Variants in PLPPR3 observed in about 807,000 individuals in gnomAD.
PLPPR3 encodes the protein phospholipid phosphatase related 3.
Under a neutral mutation model 27.3 loss-of-function variants are expected in PLPPR3, and 14 were observed. The observed-to-expected ratio is 0.51, with a 90% CI of 0.34 to 0.80. PLPPR3 has a LOEUF of 0.80. Ranked by LOEUF, PLPPR3 falls within the 30% of genes least tolerant of loss-of-function variation. PLPPR3 has a pLI of 0.01. For missense variants in PLPPR3, 1,287 were observed against 1,056.9 expected, an observed-to-expected ratio of 1.22 and a Z score of -3.02; for synonymous variants, 671 against 508.0, an observed-to-expected ratio of 1.32 and a Z score of -4.32.
chr19:814,206 G>A (rs368991631), intron 7 of PLPPR3, among the ~76,000 whole-genome samples: 1 of 149,346 alleles, frequency 6.7e-6, no homozygotes, highest in South Asian at 2.1e-4. Context: ...GAGCCCCTGG[G>A]CACCCATGCC....
At position 813,962 on chromosome 19, in the gene PLPPR3, A is replaced by C; in HGVS notation, c.832-67T>G. ...AGGGCTCCTCCCCTGTGATCGTTGGACTTGCCGCGGGGGGCTCTGGACCGG... is the reference window on the plus strand; with the variant it reads ...AGGGCTCCTCCCCTGTGATCGTTGGCCTTGCCGCGGGGGGCTCTGGACCGG... On this transcript the variant is annotated intron_variant, in intron 7 of 7. Coordinates refer to ENST00000520876, the MANE Select transcript of PLPPR3 (RefSeq NM_001270366.2). The surrounding 1 kb of genome is among the most constrained non-coding windows in gnomAD (Gnocchi z 4.1). The C allele has an allele frequency of 7.1e-7, 1 of 1,400,334 alleles. No homozygotes were observed. Among genetic ancestry groups the C allele is most frequent in the Non-Finnish European group, 9.2e-7 (1 of 1,084,094 alleles). The allele number at this position is 1,400,334 out of a possible 1,614,324, so 86.7% of individuals were successfully genotyped here. A position where few individuals can be genotyped will look rare whatever the true frequency, so the allele number is the denominator to read the frequency against.
Position 813,048 on chromosome 19 carries a change from G to C in PLPPR3, c.1679C>G (p.Ser560Cys). 6.6e-7 allele frequency: 1 copy of C among 1,509,582 alleles called. No homozygotes were observed. The highest frequency in any genetic ancestry group is 8.8e-7 in the Non-Finnish European group (1 of 1,138,396). The allele number at this position is 1,509,582 out of a possible 1,614,324, so 93.5% of individuals were successfully genotyped here. The change falls in exon 8 of 8, where the codon TCC becomes TGC. Residue 560 changes from serine to cysteine, a missense_variant. Transcript: ENST00000520876. The surrounding 1 kb of genome is among the most constrained non-coding windows in gnomAD (Gnocchi z 4.1). ...GPKAAETASSSSASSDSSQYR... is the reference protein window; with the variant it reads ...GPKAAETASSCSASSDSSQYR... Reference sequence around the variant, plus strand: ...CTGCGAGGAGTCGGAGCTGGCGCTGGACGACGACGCCGTCTCGGCCGCCTT... The same window carrying C: ...CTGCGAGGAGTCGGAGCTGGCGCTGCACGACGACGCCGTCTCGGCCGCCTT...
upstream of PLPPR3, among the ~76,000 whole-genome samples, chr19:823,240 C>T (rs1306916045): frequency 6.6e-6 from 1 of 150,624 alleles, no homozygotes; most frequent in Non-Finnish European, 1.5e-5. Context: ...CCAGGAGTTC[C>T]AGACCAGCCT....
At chr19:815,107 C>T (rs113614617) in intron 4 of PLPPR3, 26 bp from the exon 5 acceptor site, 27 of 1,600,828 alleles carry the variant, frequency 1.7e-5, no homozygotes, top group Non-Finnish European at 1.4e-5. Flanking sequence ...CTCGGCCAGG[C>T]GGGGAGCTGG....
In PLPPR3 at chr19:813,230, C is replaced by T; in HGVS notation, c.1497G>A (p.Glu499=). ...GPPPLVHIPE[E]GAQTGAGLSP... is the part of the protein sequence containing the mutation. ...ACAGGCCGGCCCCCGTCTGCGCGCC[C>T]TCCTCCGGGATGTGCACCAGCGGCG... Residue 499 remains glutamate (E), a synonymous_variant, in exon 8 of 8, where the codon GAG becomes GAA. Transcript: ENST00000520876. This position sits in a 1 kb window ranked among gnomAD's most constrained non-coding sequence, Gnocchi z 4.1. 2.1e-5 allele frequency: 31 copies of T among 1,486,774 alleles called. No homozygotes were observed. The highest frequency in any genetic ancestry group is 2.7e-5 in the Non-Finnish European group (31 of 1,129,998). 92.1% of individuals were successfully genotyped at this position (1,486,774 alleles called of 1,614,324 possible). A position where few individuals can be genotyped will look rare whatever the true frequency, so the allele number is the denominator to read the frequency against.
chr19:822,401 C>T (rs2035162598), upstream of PLPPR3, among the ~76,000 whole-genome samples: 1 of 152,076 alleles, frequency 6.6e-6, no homozygotes, highest in African/African-American at 2.4e-5. Context: ...CGCCCCTCCG[C>T]GGAGCCCGCC....
intron 2 of PLPPR3, among the ~76,000 whole-genome samples, chr19:819,649 G>A (rs147367151): frequency 1.2e-3 from 186 of 152,182 alleles, no homozygotes; most frequent in African/African-American, 3.8e-3. Context: ...AAGTGATGTG[G>A]GCAACTTAAT....
At chr19:821,379 C>T in intron 2 of PLPPR3, 106 bp downstream of exon 2, 1 of 957,656 alleles carries the variant, frequency 1.0e-6, no homozygotes, top group Non-Finnish European at 1.5e-6. Context: ...CGCCCCGAGG[C>T]CACTGCCGGG....
At position 813,031 on chromosome 19, in the gene PLPPR3, AGTCGGAGCTGGCGCTGGAC is replaced by A. The variant is rs772383610; in HGVS notation, c.1677_1695del (p.Ser560ProfsTer16). On this transcript the variant is annotated frameshift_variant, in exon 8 of 8. Transcript: ENST00000520876. LOFTEE classifies it low-confidence loss of function (END_TRUNC). This position sits in a 1 kb window ranked among gnomAD's most constrained non-coding sequence, Gnocchi z 4.1. ...TCCGACGGCGACCGGTACTGCGAGG[AGTCGGAGCTGGCGCTGGAC>A]GACGACGCCGTCTCGGCCGCCTTGG... The A allele has an allele frequency of 6.6e-7, 1 of 1,518,578 alleles. No homozygotes were observed. The highest frequency in any genetic ancestry group is 2.7e-5 in the East Asian group (1 of 37,692). 94.1% of individuals were successfully genotyped at this position (1,518,578 alleles called of 1,614,324 possible). A position where few individuals can be genotyped will look rare whatever the true frequency, so the allele number is the denominator to read the frequency against.
At chr19:816,857 C>T in intron 2 of PLPPR3, among the ~76,000 whole-genome samples, 1 of 151,936 alleles carries the variant, frequency 6.6e-6, no homozygotes, top group Middle Eastern at 3.4e-3. Context: ...ATCCATTCAT[C>T]CATCCATCAT....
chr19:822,234 C>T (rs1599265542), upstream of PLPPR3, among the ~76,000 whole-genome samples: 3 of 151,592 alleles, frequency 2.0e-5, no homozygotes, highest in South Asian at 2.1e-4. Context: ...GTGACGGTCC[C>T]GTCCTCCCCT....
upstream of PLPPR3, among the ~76,000 whole-genome samples, chr19:823,713 G>A (rs1158601199): frequency 1.3e-5 from 2 of 152,128 alleles, no homozygotes; most frequent in South Asian, 2.1e-4. Context: ...AGGGGGGCTC[G>A]GGGAGGCCCT....
upstream of PLPPR3, among the ~76,000 whole-genome samples, chr19:823,450 A>AAAAAAAAAAAACC (rs111454578): frequency 7.0e-6 from 1 of 143,838 alleles, no homozygotes; most frequent in Admixed American, 7.1e-5. Context: ...TCAAAAAAAA[A>AAAAAAAAAAAACC]AAAAAAAACA....
chr19:817,925 C>T lies in PLPPR3; in HGVS notation c.76-2074G>A, dbSNP rs143672553. ...TGCAAAATGGGAATGATAAAGTAGC[C>T]GCCTCCAAGGGCTCAGGTGGAGATG... is the stretch of plus-strand genomic sequence containing the variant. On this transcript the variant is annotated intron_variant, in intron 2 of 7. Coordinates refer to ENST00000520876, the MANE Select transcript of PLPPR3 (RefSeq NM_001270366.2). 1.6e-3 allele frequency among the ~76,000 whole-genome samples: 241 copies of T among 152,258 alleles called. 1 individual carries two copies. Among genetic ancestry groups the T allele is most frequent in the Admixed American group, 6.2e-3 (95 of 15,286 alleles).
chr19:815,145 T>C (rs1182487696), intron 4 of PLPPR3, 41 bp downstream of exon 4: 6 of 1,601,232 alleles, frequency 3.7e-6, no homozygotes, highest in Non-Finnish European at 5.1e-6. Flanking sequence ...ACCCCCTGCA[T>C]GTGGAGGTAG....
Position 812,805 on chromosome 19 carries a change from G to A in PLPPR3, c.1922C>T (p.Ser641Leu), listed in dbSNP as rs1475593571. The stretch of plus-strand genomic sequence containing the variant: ...CTCCTGGTCCACGTCGCTGACCGAC[G>A]AGCCGGGGGACACGCCCGGGGGCTT... Reference protein sequence around the residue: ...GAKPPGVSPGSSVSDVDQEEP... With the variant: ...GAKPPGVSPGLSVSDVDQEEP... Residue 641 changes from serine (S) to leucine (L), a missense_variant, in exon 8 of 8, where the codon TCG (serine) becomes TTG (leucine). Transcript: ENST00000520876. 9 of 1,093,888 alleles carry A rather than the reference G, an allele frequency of 8.2e-6. No individual in the cohort carries two copies. The highest frequency in any genetic ancestry group is 1.7e-5 in the African/African-American group (1 of 58,542). 67.8% of individuals were successfully genotyped at this position (1,093,888 alleles called of 1,614,324 possible).
intron 2 of PLPPR3, among the ~76,000 whole-genome samples, chr19:820,465 A>G (rs761122571): frequency 7.3e-5 from 11 of 150,302 alleles, no homozygotes; most frequent in Non-Finnish European, 1.3e-4. Flanking sequence ...GATTACAAAC[A>G]TGACAAACGT....
At position 813,464 on chromosome 19, in the gene PLPPR3, C is replaced by T. The variant is rs2034982992; in HGVS notation, c.1263G>A (p.Leu421=). The T allele has an allele frequency of 2.6e-6, 4 of 1,536,434 alleles. No homozygotes were observed. The highest frequency in any genetic ancestry group is 3.5e-6 in the Non-Finnish European group (4 of 1,145,896). The part of the protein sequence containing the change: ...WKQKSLEGRG[L]GLPDDASPGH... ...CGGGGCTGGCGTCGTCGGGCAGCCC[C>T]AGGCCGCGGCCCTCCAGGCTCTTCT... Residue 421 remains leucine, a synonymous_variant, in exon 8 of 8, where the codon CTG becomes CTA. Coordinates refer to ENST00000520876, the MANE Select transcript of PLPPR3 (RefSeq NM_001270366.2). The surrounding 1 kb of genome is among the most constrained non-coding windows in gnomAD (Gnocchi z 4.1).
In PLPPR3 at chr19:813,466, G is replaced by C; in HGVS notation, c.1261C>G (p.Leu421Val). The C allele has an allele frequency of 6.5e-7, 1 of 1,537,006 alleles. No individual in the cohort carries two copies. The highest frequency in any genetic ancestry group is 1.9e-4 in the Middle Eastern group (1 of 5,210). Residue 421 changes from leucine to valine, a missense_variant, in exon 8 of 8, where the codon CTG becomes GTG. Coordinates refer to ENST00000520876, the MANE Select transcript of PLPPR3 (RefSeq NM_001270366.2). This position sits in a 1 kb window ranked among gnomAD's most constrained non-coding sequence, Gnocchi z 4.1. ...GGGCTGGCGTCGTCGGGCAGCCCCA[G>C]GCCGCGGCCCTCCAGGCTCTTCTGC... is the stretch of plus-strand genomic sequence containing the variant. ...WKQKSLEGRGLGLPDDASPGH... is the reference protein window; with the variant it reads ...WKQKSLEGRGVGLPDDASPGH...
Sources: allele counts gnomAD v4.1 joint callset (sites outside exome capture counted in the v4.1 genomes callset), GRCh38; gene constraint gnomAD v4.1.1; non-coding constraint Gnocchi (gnomAD v3.1); transcripts MANE v1.5; gene names NCBI Gene and HGNC (gene_info 2026-07-23, HGNC 2026-07-21).